Variants in SCAPER observed in about 807,000 individuals in gnomAD.
SCAPER encodes the protein S-phase cyclin A associated protein in the ER, also known as S phase cyclin A-associated protein in the endoplasmic reticulum.
In SCAPER, 98 loss-of-function variants were observed where a neutral mutation model predicts 182.2. The ratio of observed to expected loss-of-function variants is 0.54; its 90% CI spans 0.46 to 0.64. The LOEUF (loss-of-function observed/expected upper bound fraction) is 0.64. SCAPER is among the 30% of genes least tolerant of loss of function. SCAPER has a pLI of 0.00. For missense variants in SCAPER, 1,432 were observed against 1,690.0 expected (o/e 0.85, Z 2.68); for synonymous variants, 605 against 564.6 (o/e 1.07, Z -1.01).
chr15:76,396,143 G>A (rs998575292), intron 27 of SCAPER, among the ~76,000 whole-genome samples: 3 of 152,120 alleles, frequency 2.0e-5, no homozygotes, highest in Non-Finnish European at 1.5e-5. Context: ...GTTCACTGTA[G>A]ATGAATTTGT....
intron 17 of SCAPER, among the ~76,000 whole-genome samples, chr15:76,723,081 C>T (rs2060358515): frequency 6.6e-6 from 1 of 151,818 alleles, no homozygotes; most frequent in East Asian, 1.9e-4. Context: ...TATAAATTTC[C>T]CTCTACACAC....
intron 17 of SCAPER, among the ~76,000 whole-genome samples, 180 bp from the exon 18 acceptor site, chr15:76,706,164 A>G (rs141705565): frequency 2.2e-4 from 33 of 152,314 alleles, no homozygotes; most frequent in Middle Eastern, 3.4e-3. Context: ...TTGGGAAACA[A>G]TAGAGATTAT....
chr15:76,750,902 A>T lies in SCAPER; in HGVS notation c.1866+2906T>A, dbSNP rs187463758. On this transcript the variant is annotated intron_variant, in intron 15 of 31. Coordinates refer to ENST00000563290, the MANE Select transcript of SCAPER (RefSeq NM_020843.4). ...GAAGTTCAAGCCAGAAAAATTAGGA[A>T]AGTAAAAGAAATAGTGCCCAAATTT... Among the ~76,000 whole-genome samples the T allele has an allele frequency of 2.0e-5, 3 of 151,962 alleles. No homozygotes were observed. The East Asian group carries it at 5.8e-4, about 29-fold the overall frequency.
intron 20 of SCAPER, among the ~76,000 whole-genome samples, chr15:76,674,153 A>G (rs2057223221): frequency 6.6e-6 from 1 of 152,212 alleles, no homozygotes; most frequent in Non-Finnish European, 1.5e-5. Flanking sequence ...ATTACAAATA[A>G]TAAATGAAAA....
intron 22 of SCAPER, among the ~76,000 whole-genome samples, chr15:76,598,234 T>G (rs2049651331): frequency 8.3e-6 from 1 of 121,116 alleles, no homozygotes. Context: ...GAAATGCAAA[T>G]CAAAACCACA....
intron 26 of SCAPER, among the ~76,000 whole-genome samples, chr15:76,429,964 C>T (rs1260208993): frequency 6.6e-6 from 1 of 152,118 alleles, no homozygotes; most frequent in African/African-American, 2.4e-5. Flanking sequence ...GCTCAGGGCT[C>T]CCCTGCTCTG....
intron 25 of SCAPER, among the ~76,000 whole-genome samples, chr15:76,440,925 T>C (rs2047541676): frequency 7.4e-6 from 1 of 135,482 alleles, no homozygotes; most frequent in Non-Finnish European, 1.6e-5. Flanking sequence ...TTTGTTTTTT[T>C]TTTTTTTTTT....
In SCAPER at chr15:76,714,986, C is replaced by A. The variant is rs1410772131; in HGVS notation, c.2166-9002G>T. On this transcript the variant is annotated intron_variant, in intron 17 of 31. Transcript: ENST00000563290. ...AAAAAGCACTTGAAAAACTCAACAT[C>A]CACCCAGCAGCATGACATCCCCCAG... Among the ~76,000 whole-genome samples, 3 of 152,064 alleles carry A rather than the reference C, an allele frequency of 2.0e-5. No homozygotes were observed. The East Asian group carries it at 5.8e-4, about 29-fold the overall frequency.
At chr15:76,764,396 G>A (rs958459199) in intron 14 of SCAPER, among the ~76,000 whole-genome samples, 9 of 147,768 alleles carry the variant, frequency 6.1e-5, no homozygotes, top group Admixed American at 2.0e-4. Context: ...TCGTGGCAGA[G>A]GCCAGGTGGA....
intron 21 of SCAPER, among the ~76,000 whole-genome samples, chr15:76,640,996 A>G (rs1220112217): frequency 1.3e-5 from 2 of 152,168 alleles, no homozygotes; most frequent in Non-Finnish European, 2.9e-5. Flanking sequence ...AAACGGAAGC[A>G]TGAGGGGCGC....
rs758870632 is a variant in SCAPER, at chr15:76,434,085, G to A, written c.3304C>T (p.Leu1102Phe). ...GAACTCTAGCAATTTTACCTGATAA[G>A]GTCCTGAACTCGATTGTTAAAAGGA... ...GDPFNNRVQD[L>F]ISYVVNMGLI... is the part of the protein sequence containing the mutation. The change falls in exon 26 of 32, where the codon CTT becomes TTT. Residue 1102 changes from leucine to phenylalanine, a missense_variant. Around this residue, in one of 5 missense-constraint regions of SCAPER, gnomAD observed 718 missense variants for 799.7 expected, o/e 0.90. Transcript: ENST00000563290. 1 of 1,612,330 alleles carries A rather than the reference G, an allele frequency of 6.2e-7. No homozygotes were observed. Among genetic ancestry groups the A allele is most frequent in the South Asian group, 1.1e-5 (1 of 90,834 alleles).
At chr15:76,683,432 T>C (rs928520190) in intron 20 of SCAPER, among the ~76,000 whole-genome samples, 2 of 152,066 alleles carry the variant, frequency 1.3e-5, no homozygotes, top group African/African-American at 4.8e-5. Context: ...AATGATGCCA[T>C]GGCATCCCTG....
At chr15:76,417,731 G>C (rs1240239679) in intron 26 of SCAPER, among the ~76,000 whole-genome samples, 1 of 152,138 alleles carries the variant, frequency 6.6e-6, no homozygotes, top group African/African-American at 2.4e-5. Context: ...GATTCTAAAA[G>C]GCTGGTGGCC....
chr15:76,501,230 A>C lies in SCAPER; in HGVS notation c.2954+3629T>G, dbSNP rs114891366. On this transcript the variant is annotated intron_variant, in intron 24 of 31. Transcript: ENST00000563290. ...TTTCAATGATAACTTGAAAATAATT[A>C]AAGCAGTTTTATGGCCTTTCCCTGG... is the stretch of plus-strand genomic sequence containing the variant. Among the ~76,000 whole-genome samples the C allele has an allele frequency of 3.7e-3, 556 of 152,102 alleles. 6 individuals are homozygous for C. Among genetic ancestry groups the C allele is most frequent in the African/African-American group, 0.013 (537 of 41,484 alleles).
intron 23 of SCAPER, among the ~76,000 whole-genome samples, chr15:76,526,056 T>C (rs2043174079): frequency 6.6e-6 from 1 of 152,216 alleles, no homozygotes; most frequent in Non-Finnish European, 1.5e-5. Context: ...TTGAACATTG[T>C]CAATAATTAA....
At chr15:76,592,628 T>A (rs1346505884) in intron 22 of SCAPER, among the ~76,000 whole-genome samples, 1 of 122,382 alleles carries the variant, frequency 8.2e-6, no homozygotes, top group African/African-American at 2.5e-5. Flanking sequence ...ACCTGGCTCA[T>A]CTCACTGGGA....
chr15:76,489,858 A>G (rs2052105242), intron 24 of SCAPER, among the ~76,000 whole-genome samples: 1 of 152,192 alleles, frequency 6.6e-6, no homozygotes, highest in Admixed American at 6.5e-5. Flanking sequence ...GTGAATTTAA[A>G]TATTTTAGAT....
At chr15:76,889,181 T>G (rs1010802875) in intron 1 of SCAPER, among the ~76,000 whole-genome samples, 6 of 152,126 alleles carry the variant, frequency 3.9e-5, no homozygotes, top group African/African-American at 1.4e-4. Context: ...AAGGAAGCAC[T>G]AAACATGGAA....
intron 5 of SCAPER, among the ~76,000 whole-genome samples, chr15:76,830,266 C>T (rs915301377): frequency 2.0e-5 from 3 of 152,128 alleles, no homozygotes; most frequent in Admixed American, 6.5e-5. Context: ...GATCAAGTCA[C>T]TCAAGATCCT....
Sources: gnomAD v4.1 joint callset for allele counts (sites outside exome capture counted in the v4.1 genomes callset) on GRCh38, gnomAD v4.1.1 for gene constraint, gnomAD v4.1.1 regional missense constraint, MANE v1.5 for transcripts, NCBI Gene and HGNC (gene_info 2026-07-23, HGNC 2026-07-21) for gene names.